THTPA: variants seen among roughly 807,000 people sequenced by gnomAD.
THTPA encodes the protein thiamine-triphosphatase.
Under a neutral mutation model 16.5 loss-of-function variants are expected in THTPA, and 16 were observed. The ratio of observed to expected loss-of-function variants is 0.97; its 90% confidence interval spans 0.66 to 1.47. The LOEUF (loss-of-function observed/expected upper bound fraction) is 1.47, where lower values mean the gene tolerates loss of function less well. Among genes scored for constraint, THTPA ranks in the 40% most tolerant of loss-of-function variants. The probability of loss-of-function intolerance (pLI) is 0.00; values close to 1 mark genes in which losing one functional copy is unlikely to be tolerated. For synonymous variants in THTPA, 110 were observed against 115.5 expected, an observed-to-expected ratio of 0.95 and a Z score of 0.30; for missense variants, 281 against 280.9, an observed-to-expected ratio of 1.00 and a Z score of 0.00.
chr14:23,520,437 AAGG>A, the THTPA span, among the ~76,000 whole-genome samples: 6 of 152,100 alleles, frequency 3.9e-5, no homozygotes, highest in Non-Finnish European at 8.8e-5. The surrounding 1 kb of genome is among the most constrained non-coding windows in gnomAD (Gnocchi z 8.7). Context: ...AGGTAAATGC[AAGG>A]AGAAGGCAGG....
the THTPA span, among the ~76,000 whole-genome samples, chr14:23,550,676 G>A: frequency 6.6e-6 from 1 of 152,194 alleles, no homozygotes; most frequent in Non-Finnish European, 1.5e-5. Context: ...CGAGCGGATG[G>A]GGGTGGTAGG....
At chr14:23,526,238 C>T in the THTPA span, 9 of 1,536,292 alleles carry the variant, frequency 5.9e-6, no homozygotes, top group Non-Finnish European at 7.8e-6. Flanking sequence ...GGGTGGGGCA[C>T]CGGCCTCTCC....
chr14:23,550,140 G>A, the THTPA span, among the ~76,000 whole-genome samples: 1 of 152,242 alleles, frequency 6.6e-6, no homozygotes, highest in East Asian at 1.9e-4. Flanking sequence ...ACCAGAAGGT[G>A]AGGTTCTGAT....
chr14:23,517,100 T>C, the THTPA span, among the ~76,000 whole-genome samples: 8 of 152,132 alleles, frequency 5.3e-5, no homozygotes, highest in Non-Finnish European at 1.2e-4. Context: ...GGCTGCGGAA[T>C]TGCAAGAAAT....
chr14:23,522,456 C>T, the THTPA span: 2 of 1,536,098 alleles, frequency 1.3e-6, no homozygotes, highest in Non-Finnish European at 8.7e-7. Flanking sequence ...GCTGTGGGCT[C>T]AGGGGGCTGG....
the THTPA span, chr14:23,525,643 G>C: frequency 1.3e-6 from 2 of 1,535,668 alleles, no homozygotes; most frequent in African/African-American, 2.7e-5. This position sits in a 1 kb window ranked among gnomAD's most constrained non-coding sequence, Gnocchi z 5.9. Context: ...GGGCAGCCTC[G>C]TTGGGCAATG....
chr14:23,559,537 C>G lies in THTPA; in HGVS notation c.*697C>G. 1.8e-6 allele frequency: 1 copy of G among 566,152 alleles called. No individual in the cohort carries two copies. The allele number at this position is 566,152 out of a possible 1,614,324, so 35.1% of individuals were successfully genotyped here. ...TGCTCTTCCCTTGCTGTTATTCATACACACTTTCCACTTCAAATATACCCA... is the reference window on the plus strand; with the variant it reads ...TGCTCTTCCCTTGCTGTTATTCATAGACACTTTCCACTTCAAATATACCCA... On this transcript the variant is annotated 3_prime_UTR_variant, in exon 2 of 2. Coordinates refer to ENST00000288014, the MANE Select transcript of THTPA (RefSeq NM_024328.6).
At chr14:23,555,913 C>A (rs1882326462), upstream of THTPA, 1 of 152,274 alleles carries the variant, frequency 6.6e-6, no homozygotes, top group African/African-American at 2.4e-5. Context: ...ACCGCAGGCA[C>A]CAAGTGCAGC....
chr14:23,530,782 A>G, the THTPA span: 3 of 288,598 alleles, frequency 1.0e-5, no homozygotes, highest in Admixed American at 5.0e-5. Context: ...CATATTGGCA[A>G]TTCAATTAGC....
upstream of THTPA, among the ~76,000 whole-genome samples, chr14:23,552,815 T>A (rs1882076504): frequency 6.6e-6 from 1 of 152,050 alleles, no homozygotes; most frequent in African/African-American, 2.4e-5. Flanking sequence ...TTAGCCAGGC[T>A]GGTCTCGAAC....
At chr14:23,535,026 C>T in the THTPA span, 1 of 1,536,134 alleles carries the variant, frequency 6.5e-7, no homozygotes, top group African/African-American at 1.4e-5. This position sits in a 1 kb window ranked among gnomAD's most constrained non-coding sequence, Gnocchi z 4.5. Context: ...CTTCTTCTTC[C>T]TCCTCCTGCT....
chr14:23,522,152 A>G, the THTPA span: 2 of 1,514,576 alleles, frequency 1.3e-6, no homozygotes, highest in Non-Finnish European at 1.8e-6. Flanking sequence ...GTGGGAGGCT[A>G]GGGCTTCACG....
At chr14:23,516,702 A>G in the THTPA span, among the ~76,000 whole-genome samples, 1 of 152,156 alleles carries the variant, frequency 6.6e-6, no homozygotes, top group East Asian at 1.9e-4. Flanking sequence ...GGTCCCGGGT[A>G]ATGGAAGTAG....
chr14:23,539,898 C>A, the THTPA span, among the ~76,000 whole-genome samples: 19 of 152,212 alleles, frequency 1.2e-4, 1 homozygote, highest in African/African-American at 4.3e-4. Context: ...TTCTCCAAAC[C>A]CAACTCCATG....
upstream of THTPA, among the ~76,000 whole-genome samples, chr14:23,553,902 A>C (rs958255163): frequency 6.6e-6 from 1 of 152,018 alleles, no homozygotes; most frequent in African/African-American, 2.4e-5. Flanking sequence ...TCAAACAAAC[A>C]AACAAACAAA....
At chr14:23,529,771 GAGGA>G in the THTPA span, 4 of 1,536,134 alleles carry the variant, frequency 2.6e-6, no homozygotes, top group African/African-American at 5.5e-5. Flanking sequence ...TTCTGAAGCT[GAGGA>G]TGAAAGAAGA....
chr14:23,529,494 T>C, the THTPA span: 1 of 562,482 alleles, frequency 1.8e-6, no homozygotes, highest in East Asian at 3.0e-5. Flanking sequence ...GCTGTCTCCC[T>C]CCTATCATCT....
At chr14:23,526,038 C>A in the THTPA span, 4 of 1,536,410 alleles carry the variant, frequency 2.6e-6, no homozygotes, top group East Asian at 2.4e-5. Context: ...CCCACCTCCC[C>A]CTCTGTCTCG....
At chr14:23,538,274 G>A in the THTPA span, among the ~76,000 whole-genome samples, 11 of 152,174 alleles carry the variant, frequency 7.2e-5, no homozygotes, top group East Asian at 2.1e-3. Context: ...CTTTAGGAAA[G>A]AATTTCAATT....
Sources: gnomAD v4.1 joint callset for allele counts (sites outside exome capture counted in the v4.1 genomes callset) on GRCh38, gnomAD v4.1.1 for gene constraint, Gnocchi (gnomAD v3.1) non-coding constraint, MANE v1.5 for transcripts, NCBI Gene and HGNC (gene_info 2026-07-23, HGNC 2026-07-21) for gene names.